Variants in GPHN observed in about 807,000 individuals in gnomAD.
GPHN encodes the protein gephyrin.
Under a neutral mutation model 95.5 loss-of-function variants are expected in GPHN, and 17 were observed. The observed-to-expected ratio is 0.18, with a 90% CI of 0.12 to 0.27. The LOEUF is 0.27. Among genes scored for constraint, GPHN ranks in the 10% least tolerant of loss-of-function variants. The probability of loss-of-function intolerance (pLI) is 1.00; values close to 1 mark genes in which losing one functional copy is unlikely to be tolerated. For synonymous variants in GPHN, 320 were observed against 322.5 expected, an observed-to-expected ratio of 0.99 and a Z score of 0.08; for missense variants, 660 against 978.1, an observed-to-expected ratio of 0.67 and a Z score of 4.34.
the GPHN span, chr14:67,621,083 C>T: frequency 4.0e-5 from 37 of 930,352 alleles, no homozygotes; most frequent in East Asian, 7.7e-4. Flanking sequence ...TGCCACATCC[C>T]GCATCCTCCT....
intron 3 of GPHN, among the ~76,000 whole-genome samples, chr14:66,823,674 AG>A (rs1275473665): frequency 1.3e-5 from 2 of 152,190 alleles, no homozygotes; most frequent in Admixed American, 1.3e-4. Context: ...ATCATTTTTT[AG>A]GTCTTGGATT....
the GPHN span, among the ~76,000 whole-genome samples, chr14:67,683,727 C>T: frequency 3.3e-5 from 5 of 152,236 alleles, no homozygotes; most frequent in Admixed American, 3.3e-4. Context: ...ACTCTAGCAG[C>T]AATGCCCCGG....
chr14:66,593,569 C>T (rs115352979), intron 1 of GPHN, among the ~76,000 whole-genome samples: 5,485 of 152,178 alleles, frequency 0.036, 138 homozygotes, highest in Middle Eastern at 0.082. Flanking sequence ...GATCCAGTCA[C>T]CTCCCACCAG....
At chr14:66,598,516 T>G (rs1238546620) in intron 1 of GPHN, among the ~76,000 whole-genome samples, 1 of 152,074 alleles carries the variant, frequency 6.6e-6, no homozygotes, top group East Asian at 1.9e-4. Flanking sequence ...TGCTTTCACC[T>G]CCACTTCTGT....
chr14:67,364,646 A>G, the GPHN span: 1 of 1,002,914 alleles, frequency 1.0e-6, no homozygotes, highest in South Asian at 1.8e-5. Context: ...GGATGAGAAG[A>G]CTAAGACTAA....
chr14:66,933,061 G>A (rs543930385), intron 8 of GPHN, among the ~76,000 whole-genome samples: 22 of 152,200 alleles, frequency 1.4e-4, no homozygotes, highest in South Asian at 4.1e-4. Flanking sequence ...GTATTTAACA[G>A]TCCTTTGTAA....
chr14:66,836,936 A>G (rs1279254803), intron 4 of GPHN, among the ~76,000 whole-genome samples: 3 of 148,584 alleles, frequency 2.0e-5, no homozygotes, highest in East Asian at 2.0e-4. Context: ...TTAAAAAGTC[A>G]GGAAACAACA....
chr14:66,599,178 A>T (rs2062112692), intron 1 of GPHN, among the ~76,000 whole-genome samples: 1 of 152,062 alleles, frequency 6.6e-6, no homozygotes, highest in African/African-American at 2.4e-5. Flanking sequence ...AGTGTTCATT[A>T]CTACTGTTTT....
At chr14:67,022,422 TTC>T (rs1381668072) in intron 9 of GPHN, among the ~76,000 whole-genome samples, 1 of 151,934 alleles carries the variant, frequency 6.6e-6, no homozygotes, top group Non-Finnish European at 1.5e-5. Flanking sequence ...TAAATAAGAC[TTC>T]TGAGTAAAAG....
chr14:67,683,155 TTGG>T, the GPHN span, among the ~76,000 whole-genome samples: 2 of 152,246 alleles, frequency 1.3e-5, no homozygotes, highest in African/African-American at 4.8e-5. Context: ...ACGGCTGCTG[TTGG>T]ATCTTCAAAA....
At chr14:67,699,554 C>T in the GPHN span, among the ~76,000 whole-genome samples, 42 of 132,038 alleles carry the variant, frequency 3.2e-4, 1 homozygote, top group African/African-American at 1.2e-3. Context: ...TGTGCCACTG[C>T]ACTCCAACCT....
the GPHN span, among the ~76,000 whole-genome samples, chr14:67,709,602 C>T: frequency 6.6e-6 from 1 of 152,144 alleles, no homozygotes; most frequent in Non-Finnish European, 1.5e-5. Context: ...TCTCACATGC[C>T]CATCTCTTCT....
At chr14:67,474,019 G>A in the GPHN span, 91 of 1,412,002 alleles carry the variant, frequency 6.4e-5, no homozygotes, top group Non-Finnish European at 7.9e-5. Flanking sequence ...TTGGGAGGCC[G>A]AGGCGGCGGA....
chr14:67,562,421 C>T, the GPHN span: 9 of 1,613,668 alleles, frequency 5.6e-6, no homozygotes, highest in African/African-American at 1.1e-4. Context: ...AAGAGAGAGC[C>T]CTCCCCACCA....
chr14:66,710,203 G>A (rs2069484548), intron 2 of GPHN, among the ~76,000 whole-genome samples: 1 of 152,158 alleles, frequency 6.6e-6, no homozygotes, highest in South Asian at 2.1e-4. Context: ...ATTGATAACT[G>A]TATATTAAGA....
At position 66,642,560 on chromosome 14, in the gene GPHN, T is replaced by A. The variant is rs78940069; in HGVS notation, c.65-38547T>A. Among the ~76,000 whole-genome samples the A allele has an allele frequency of 6.9e-5, 5 of 72,830 alleles. No homozygotes were observed. The African/African-American group carries it at 1.0e-3, about 15-fold the overall frequency. The allele number at this position is 72,830 out of a possible 152,430, so 47.8% of individuals were successfully genotyped here. ...CAGCAGGCAGACATTTTGATTTTTG[T>A]TTTTTTTTTTTTTGAAACTGGGAGT... is the stretch of plus-strand genomic sequence containing the variant. On this transcript the variant is annotated intron_variant, in intron 1 of 22. Coordinates refer to ENST00000478722, the MANE Select transcript of GPHN (RefSeq NM_020806.5).
the GPHN span, among the ~76,000 whole-genome samples, chr14:67,597,258 G>A: frequency 3.3e-5 from 5 of 152,178 alleles, no homozygotes; most frequent in Non-Finnish European, 5.9e-5. Flanking sequence ...TGGGGGGATC[G>A]CTTGAGGCCA....
intron 4 of GPHN, among the ~76,000 whole-genome samples, chr14:66,860,028 G>T (rs996792195): frequency 1.3e-5 from 2 of 152,082 alleles, no homozygotes; most frequent in Non-Finnish European, 2.9e-5. Context: ...TAAAGAGGAG[G>T]TAAAGAAAGA....
intron 17 of GPHN, among the ~76,000 whole-genome samples, chr14:67,125,640 G>C (rs1257503599): frequency 6.6e-6 from 1 of 152,176 alleles, no homozygotes; most frequent in Non-Finnish European, 1.5e-5. Context: ...AGCTAGGCAT[G>C]GTGGTGCATG....
Sources: gnomAD v4.1 joint callset for allele counts (sites outside exome capture counted in the v4.1 genomes callset) on GRCh38, gnomAD v4.1.1 for gene constraint, MANE v1.5 for transcripts, NCBI Gene and HGNC (gene_info 2026-07-23, HGNC 2026-07-21) for gene names.